Variants in NSD3 observed in about 807,000 individuals in gnomAD.
The protein encoded by NSD3 is nuclear receptor binding SET domain protein 3.
Under a neutral mutation model 160.8 loss-of-function variants are expected in NSD3, and 24 were observed. The observed-to-expected ratio is 0.15, with a 90% CI of 0.11 to 0.21. The LOEUF (loss-of-function observed/expected upper bound fraction) is 0.21. Among genes scored for constraint, NSD3 ranks in the 10% least tolerant of loss-of-function variants. The pLI is 1.00. For synonymous variants in NSD3, 520 were observed against 600.0 expected (o/e 0.87, Z 1.95); for missense variants, 1,157 against 1,735.9 (o/e 0.67, Z 5.93).
At chr8:38,345,031 G>C (rs1343965043) in intron 2 of NSD3, among the ~76,000 whole-genome samples, 1 of 152,174 alleles carries the variant, frequency 6.6e-6, no homozygotes, top group Non-Finnish European at 1.5e-5. Context: ...CTTAGCAAAA[G>C]CATGACATTA....
chr8:38,353,553 G>A (rs993387321), intron 1 of NSD3, among the ~76,000 whole-genome samples: 1 of 152,044 alleles, frequency 6.6e-6, no homozygotes, highest in Non-Finnish European at 1.5e-5. Context: ...TGAGATTTCT[G>A]ATGCTTTTGA....
intron 2 of NSD3, among the ~76,000 whole-genome samples, chr8:38,340,085 C>T (rs899307500): frequency 6.6e-6 from 1 of 151,446 alleles, no homozygotes; most frequent in Non-Finnish European, 1.5e-5. Flanking sequence ...TTTTATTATT[C>T]GTCTTTTCTG....
intron 2 of NSD3, among the ~76,000 whole-genome samples, chr8:38,346,373 A>G (rs1810532994): frequency 6.8e-6 from 1 of 147,658 alleles, no homozygotes; most frequent in Middle Eastern, 3.3e-3. Context: ...ATATATGTAT[A>G]TATATGTATA....
chr8:38,367,299 C>CATATATATATATATGGATAT, intron 1 of NSD3, among the ~76,000 whole-genome samples: 1 of 152,142 alleles, frequency 6.6e-6, no homozygotes, highest in Non-Finnish European at 1.5e-5. Flanking sequence ...AGGTGATCCA[C>CATATATATATATATGGATAT]ATATATAAAA....
chr8:38,367,834 CAT>C (rs1438280921), intron 1 of NSD3, among the ~76,000 whole-genome samples: 1 of 152,108 alleles, frequency 6.6e-6, no homozygotes, highest in African/African-American at 2.4e-5. Context: ...CAGTTAGTGA[CAT>C]AGATAGGATT....
intron 22 of NSD3, 44 bp downstream of exon 22, chr8:38,278,262 T>G (rs573137191): frequency 6.4e-7 from 1 of 1,573,332 alleles, no homozygotes. Flanking sequence ...ACAGCCCTAC[T>G]CCTTATCGCC....
chr8:38,339,027 C>T (rs1810292700), intron 2 of NSD3, among the ~76,000 whole-genome samples: 1 of 151,600 alleles, frequency 6.6e-6, no homozygotes, highest in South Asian at 2.1e-4. Flanking sequence ...GTAGTCCCAG[C>T]TACTTGGGAG....
chr8:38,338,606 C>G lies in NSD3; in HGVS notation c.677G>C (p.Arg226Thr), dbSNP rs1410767463. Residue 226 changes from arginine (R) to threonine (T), a missense_variant and splice_region_variant, in exon 3 of 24, where the codon AGA (arginine) becomes ACA (threonine). Transcript: ENST00000317025. ...IPKLEPEEQN[R>T]PNERVDTVSE... ...TACAGTGTCAACCCTCTCATTTGGT[C>G]TCTAGGTGAAAAGGTATAGGTAAGT... The G allele has an allele frequency of 1.9e-6, 3 of 1,613,284 alleles. No homozygotes were observed. The highest frequency in any genetic ancestry group is 2.2e-5 in the East Asian group (1 of 44,822).
chr8:38,305,261 G>C lies in NSD3; in HGVS notation c.2427C>G (p.His809Gln), dbSNP rs773090566. The change falls in exon 13 of 24, where the codon CAC becomes CAG. Residue 809 changes from histidine (H) to glutamine (Q), a missense_variant. Physicochemically the swap from His to Gln is conservative, Grantham distance 24. Transcript: ENST00000317025. ...CSACSMEKDI[H>Q]KASKGRMMRC... is the part of the protein sequence containing the mutation. ...CAGCTGTTTTACCTTTACTTGCTTT[G>C]TGGATATCTTTCTCCATAGAGCAGG... 6.2e-7 allele frequency: 1 copy of C among 1,613,956 alleles called. No individual in the cohort carries two copies. The highest frequency in any genetic ancestry group is 2.2e-5 in the East Asian group (1 of 44,874).
rs190655626 is a variant in NSD3 at position 38,278,466 on chromosome 8, C to T, written c.3761-54G>A. On this transcript the variant is annotated intron_variant, in intron 21 of 23. Coordinates refer to ENST00000317025, the MANE Select transcript of NSD3 (RefSeq NM_023034.2). The stretch of plus-strand genomic sequence containing the variant: ...ACTCGAGTCATGGGGAAGAGAAAAG[C>T]TCTCACAGGCACACTCCCCTAATGA... The T allele has an allele frequency of 1.3e-3, 1,922 of 1,455,346 alleles. 35 individuals carry two copies. The Admixed American group carries it at 0.028, about 21-fold the overall frequency. 90.2% of individuals were successfully genotyped at this position (1,455,346 alleles called of 1,614,324 possible). A position where few individuals can be genotyped will look rare whatever the true frequency, so the allele number is the denominator to read the frequency against.
rs181676505 is a variant in NSD3 at position 38,270,136 on chromosome 8, C to A, written c.*5505G>T. ...CCCCCAGGGAAAATTAACACTAATC[C>A]CTTAGTGTCAAGAGCTTCTAGCCAA... is the stretch of plus-strand genomic sequence containing the variant. On this transcript the variant is annotated 3_prime_UTR_variant, in exon 24 of 24. Transcript: ENST00000317025. 1.3e-5 allele frequency: 2 copies of A among 152,242 alleles called. No homozygotes were observed. The highest frequency in any genetic ancestry group is 1.9e-4 in the East Asian group (1 of 5,190). 9.4% of individuals were successfully genotyped at this position (152,242 alleles called of 1,614,324 possible).
At chr8:38,365,293 T>C (rs954271320) in intron 1 of NSD3, among the ~76,000 whole-genome samples, 3 of 152,202 alleles carry the variant, frequency 2.0e-5, no homozygotes, top group African/African-American at 7.2e-5. Context: ...TAGAGTCTTA[T>C]TTTTGTTTTT....
chr8:38,302,966 T>C (rs1809310581), intron 14 of NSD3, among the ~76,000 whole-genome samples: 1 of 152,214 alleles, frequency 6.6e-6, no homozygotes, highest in South Asian at 2.1e-4. Flanking sequence ...ATCCCAATTA[T>C]TGAATGAAGT....
intron 4 of NSD3, 121 bp from the exon 5 acceptor site, chr8:38,331,706 T>C (rs1346841211): frequency 2.0e-6 from 2 of 1,019,160 alleles, no homozygotes; most frequent in African/African-American, 1.6e-5. Context: ...TATGTTTGGA[T>C]TGTCCAAAGA....
intron 4 of NSD3, among the ~76,000 whole-genome samples, 185 bp from the exon 5 acceptor site, chr8:38,331,770 C>T (rs1345727247): frequency 6.6e-6 from 1 of 152,194 alleles, no homozygotes; most frequent in Non-Finnish European, 1.5e-5. Context: ...AAAATCACCA[C>T]AAATAATTGA....
chr8:38,378,628 C>T (rs1585940588), intron 1 of NSD3, among the ~76,000 whole-genome samples: 1 of 151,806 alleles, frequency 6.6e-6, no homozygotes, highest in South Asian at 2.1e-4. Context: ...GGTGACAGAG[C>T]GAGACTCCGT....
At chr8:38,368,537 TAC>T (rs1412288806) in intron 1 of NSD3, among the ~76,000 whole-genome samples, 1 of 152,240 alleles carries the variant, frequency 6.6e-6, no homozygotes, top group East Asian at 1.9e-4. Context: ...AATTCAATCA[TAC>T]AGTTTTCACT....
Position 38,270,140 on chromosome 8 carries a change from A to C in NSD3, c.*5501T>G, listed in dbSNP as rs1808394285. ...CAGGGAAAATTAACACTAATCCCTT[A>C]GTGTCAAGAGCTTCTAGCCAAGTCA... On this transcript the variant is annotated 3_prime_UTR_variant, in exon 24 of 24. Coordinates refer to ENST00000317025, the MANE Select transcript of NSD3 (RefSeq NM_023034.2). 6.6e-6 allele frequency: 1 copy of C among 152,268 alleles called. No individual in the cohort carries two copies. Among genetic ancestry groups the C allele is most frequent in the South Asian group, 2.1e-4 (1 of 4,838 alleles). 9.4% of individuals were successfully genotyped at this position (152,268 alleles called of 1,614,324 possible).
chr8:38,291,858 C>T (rs1454945259), intron 16 of NSD3, among the ~76,000 whole-genome samples: 2 of 152,164 alleles, frequency 1.3e-5, no homozygotes, highest in Non-Finnish European at 2.9e-5. Flanking sequence ...TGAAAATAAA[C>T]AGCTTCATGC....
Sources: allele counts gnomAD v4.1 joint callset (sites outside exome capture counted in the v4.1 genomes callset), GRCh38; gene constraint gnomAD v4.1.1; transcripts MANE v1.5; gene names NCBI Gene and HGNC (gene_info 2026-07-23, HGNC 2026-07-21).